RCAN2: variants seen among roughly 807,000 people sequenced by gnomAD.
RCAN2 encodes calcipressin-2.
In RCAN2, 9 loss-of-function variants were observed where a neutral mutation model predicts 23.6. The ratio of observed to expected loss-of-function variants is 0.38; its 90% CI spans 0.23 to 0.67. RCAN2 has a LOEUF of 0.67. Among genes scored for constraint, RCAN2 ranks in the 30% least tolerant of loss-of-function variants. The probability of loss-of-function intolerance (pLI) is 0.51; values close to 1 mark genes in which losing one functional copy is unlikely to be tolerated. For synonymous variants in RCAN2, 109 were observed against 115.7 expected, an observed-to-expected ratio of 0.94 and a Z score of 0.37; for missense variants, 273 against 302.3, an observed-to-expected ratio of 0.90 and a Z score of 0.72.
At chr6:46,441,922 A>C (rs868108525) in intron 2 of RCAN2, among the ~76,000 whole-genome samples, 1 of 152,344 alleles carries the variant, frequency 6.6e-6, no homozygotes, top group South Asian at 2.1e-4. Context: ...AGAGGGTATT[A>C]ATAGAACTGG....
At chr6:46,460,150 TG>T (rs1444867069) in intron 1 of RCAN2, among the ~76,000 whole-genome samples, 3 of 151,726 alleles carry the variant, frequency 2.0e-5, no homozygotes, top group East Asian at 3.9e-4. Context: ...CTCCAACTCC[TG>T]GGTTCAAAGT....
At chr6:46,447,159 CT>C (rs914193606) in intron 2 of RCAN2, among the ~76,000 whole-genome samples, 13 of 151,966 alleles carry the variant, frequency 8.6e-5, no homozygotes, top group Non-Finnish European at 1.5e-4. Context: ...CATGTAAATG[CT>C]AACCAAAGGA....
At chr6:46,291,576 T>C (rs973584288) in intron 2 of RCAN2, among the ~76,000 whole-genome samples, 1 of 152,004 alleles carries the variant, frequency 6.6e-6, no homozygotes, top group African/African-American at 2.4e-5. Context: ...CAAATGATCA[T>C]TTAGTGTCTT....
At chr6:46,289,501 A>C (rs1762474062) in intron 2 of RCAN2, among the ~76,000 whole-genome samples, 1 of 152,156 alleles carries the variant, frequency 6.6e-6, no homozygotes, top group Non-Finnish European at 1.5e-5. Flanking sequence ...TTTTATCTTC[A>C]TGTTATTTAT....
rs1766532749 is a variant in RCAN2 at position 46,246,895 on chromosome 6, C to T, written c.424G>A (p.Asp142Asn). 1 of 1,591,168 alleles carries T rather than the reference C, an allele frequency of 6.3e-7. No individual in the cohort carries two copies. Among genetic ancestry groups the T allele is most frequent in the African/African-American group, 1.3e-5 (1 of 74,130 alleles). ...TGGGGTGGAGCCAAGTGCAGTTTGT[C>T]TCCATCTGTCTCTGGAGTCTGAACC... Reference protein sequence around the residue: ...AQVQTPETDGDKLHLAPPQPA... With the variant: ...AQVQTPETDGNKLHLAPPQPA... Residue 142 changes from aspartate to asparagine, a missense_variant, in exon 4 of 5, where the codon GAC becomes AAC. Transcript: ENST00000371374.
chr6:46,401,138 G>A (rs1291524429), intron 2 of RCAN2, among the ~76,000 whole-genome samples: 1 of 152,190 alleles, frequency 6.6e-6, no homozygotes, highest in African/African-American at 2.4e-5. Context: ...TGTCCACAGT[G>A]GGTTGAACAT....
At chr6:46,346,814 A>T (rs1407687500) in intron 2 of RCAN2, among the ~76,000 whole-genome samples, 2 of 151,856 alleles carry the variant, frequency 1.3e-5, no homozygotes, top group Non-Finnish European at 2.9e-5. Flanking sequence ...TGTCCCTATA[A>T]TAACAGTAGG....
intron 2 of RCAN2, among the ~76,000 whole-genome samples, chr6:46,374,318 GC>G (rs1765402639): frequency 1.3e-5 from 2 of 152,084 alleles, no homozygotes; most frequent in Non-Finnish European, 2.9e-5. Flanking sequence ...TCCATCTCAG[GC>G]CTCCCTAATT....
intron 2 of RCAN2, among the ~76,000 whole-genome samples, chr6:46,294,167 G>A (rs376175404): frequency 2.6e-5 from 4 of 151,996 alleles, no homozygotes; most frequent in Admixed American, 1.3e-4. Flanking sequence ...CAGAATAACC[G>A]AAACCTTAAC....
intron 2 of RCAN2, among the ~76,000 whole-genome samples, chr6:46,437,843 A>C (rs1045911534): frequency 1.3e-5 from 2 of 152,132 alleles, no homozygotes; most frequent in South Asian, 2.1e-4. Flanking sequence ...ATGACTCAAC[A>C]CCTAGAGGCT....
rs144764331 is a variant in RCAN2, at chr6:46,473,275, A to G, written c.-2-16297T>C. 3.5e-4 allele frequency among the ~76,000 whole-genome samples: 54 copies of G among 152,242 alleles called. 1 individual carries two copies. The East Asian group carries it at 9.1e-3, about 26-fold the overall frequency. ...CTTACGGTATACTGTTTGATCCTCC[A>G]TGATAATCAATTATGACTCTACCTT... On this transcript the variant is annotated intron_variant, in intron 1 of 4. Transcript: ENST00000371374.
chr6:46,334,275 G>A (rs1764073618), intron 2 of RCAN2, among the ~76,000 whole-genome samples: 1 of 152,194 alleles, frequency 6.6e-6, no homozygotes, highest in South Asian at 2.1e-4. Flanking sequence ...TCCATGGAAA[G>A]CCAGCTCCTT....
chr6:46,242,719 C>CT (rs1561823141), intron 4 of RCAN2, among the ~76,000 whole-genome samples: 1 of 152,170 alleles, frequency 6.6e-6, no homozygotes, highest in Non-Finnish European at 1.5e-5. Context: ...TACTAAATCA[C>CT]TTTTTTAAAA....
At chr6:46,274,723 G>GACAGA (rs1561838318) in intron 2 of RCAN2, among the ~76,000 whole-genome samples, 2 of 152,222 alleles carry the variant, frequency 1.3e-5, no homozygotes, top group African/African-American at 2.4e-5. Context: ...AGACATGGTT[G>GACAGA]TGTGGACATC....
chr6:46,326,570 A>G (rs993266091), intron 2 of RCAN2, among the ~76,000 whole-genome samples: 1 of 152,274 alleles, frequency 6.6e-6, no homozygotes, highest in Admixed American at 6.5e-5. Context: ...AAATAAATCA[A>G]TCAAACAGGA....
intron 4 of RCAN2, among the ~76,000 whole-genome samples, chr6:46,223,891 C>T (rs1765562609): frequency 6.6e-6 from 1 of 152,134 alleles, no homozygotes; most frequent in African/African-American, 2.4e-5. Flanking sequence ...ATATTACAGT[C>T]AAATGGCTGT....
rs567620637 is a variant in RCAN2, at chr6:46,295,882, C to A, written c.226-46986G>T. ...ATCTAGACACAAGTGTTCTCTTAGG[C>A]CAAAAACAAATTTGTTCTCAATGAA... On this transcript the variant is annotated intron_variant, in intron 2 of 4. Coordinates refer to ENST00000371374, the MANE Select transcript of RCAN2 (RefSeq NM_001251974.2). 2.8e-4 allele frequency among the ~76,000 whole-genome samples: 42 copies of A among 151,222 alleles called. 1 individual carries two copies. The highest frequency in any genetic ancestry group is 7.4e-5 in the Non-Finnish European group (5 of 67,892).
At chr6:46,267,898 C>T (rs1406901308) in intron 2 of RCAN2, among the ~76,000 whole-genome samples, 2 of 151,798 alleles carry the variant, frequency 1.3e-5, no homozygotes, top group Non-Finnish European at 2.9e-5. Flanking sequence ...TTTAAGACTT[C>T]TATTTTCTAA....
intron 2 of RCAN2, among the ~76,000 whole-genome samples, chr6:46,385,118 C>G (rs556754808): frequency 3.3e-5 from 5 of 152,170 alleles, no homozygotes. Context: ...ATAAAAGGAA[C>G]CTTTAAGTCT....
Sources: gnomAD v4.1 joint callset for allele counts (sites outside exome capture counted in the v4.1 genomes callset) on GRCh38, gnomAD v4.1.1 for gene constraint, MANE v1.5 for transcripts, NCBI Gene and HGNC (gene_info 2026-07-23, HGNC 2026-07-21) for gene names.